The following FANCC variants were observed in gnomAD, a reference collection of about 807,000 sequenced individuals.
FANCC encodes the protein Fanconi anemia group C protein.
A neutral mutation model predicts 71.3 loss-of-function variants in FANCC; 55 were observed. The ratio of observed to expected loss-of-function variants is 0.77; its 90% CI spans 0.62 to 0.97. The LOEUF (loss-of-function observed/expected upper bound fraction) is 0.97, where lower values mean the gene tolerates loss of function less well. Among genes scored for constraint, FANCC ranks in the 50% least tolerant of loss-of-function variants. FANCC has a pLI of 0.00. For missense variants in FANCC, 678 were observed against 670.9 expected (o/e 1.01, Z -0.12); for synonymous variants, 275 against 244.9 (o/e 1.12, Z -1.15).
At chr9:95,171,917 A>G in intron 5 of FANCC, 120 bp downstream of exon 5, 1 of 714,418 alleles carries the variant, frequency 1.4e-6, no homozygotes, top group South Asian at 1.6e-5. Context: ...AGGTAAGAAG[A>G]GATAAACAAA....
At chr9:95,200,737 T>C (rs1245746102) in intron 4 of FANCC, among the ~76,000 whole-genome samples, 1 of 152,240 alleles carries the variant, frequency 6.6e-6, no homozygotes, top group Non-Finnish European at 1.5e-5. Context: ...AGTATTAATG[T>C]AATTGTTATT....
chr9:95,253,395 C>CT (rs1441935946), intron 1 of FANCC, among the ~76,000 whole-genome samples: 1 of 152,174 alleles, frequency 6.6e-6, no homozygotes, highest in African/African-American at 2.4e-5. Flanking sequence ...ATCTAGATCC[C>CT]TAGAGGTATC....
At chr9:95,246,669 G>A (rs1387971825) in intron 3 of FANCC, among the ~76,000 whole-genome samples, 1 of 152,156 alleles carries the variant, frequency 6.6e-6, no homozygotes, top group African/African-American at 2.4e-5. Flanking sequence ...TGTATTAAAG[G>A]GAGATGCTGG....
chr9:95,124,491 C>T (rs982375601), intron 10 of FANCC, among the ~76,000 whole-genome samples: 3 of 152,126 alleles, frequency 2.0e-5, no homozygotes, highest in Non-Finnish European at 4.4e-5. Flanking sequence ...CTGCAGGGTG[C>T]GGGCCTGGCC....
intron 7 of FANCC, among the ~76,000 whole-genome samples, chr9:95,146,115 G>T (rs1399052011): frequency 2.6e-5 from 4 of 152,046 alleles, no homozygotes; most frequent in Admixed American, 1.3e-4. Context: ...TTGTAGTTTT[G>T]TTTTTTTAAA....
chr9:95,156,770 T>C (rs1039012155), intron 6 of FANCC, among the ~76,000 whole-genome samples: 4 of 152,146 alleles, frequency 2.6e-5, no homozygotes, highest in African/African-American at 9.7e-5. Context: ...TCAGGTAACA[T>C]CTCTGACACC....
intron 5 of FANCC, 31 bp from the exon 6 acceptor site, chr9:95,171,174 C>CA (rs1486148240): frequency 6.5e-7 from 1 of 1,541,088 alleles, no homozygotes; most frequent in Admixed American, 1.7e-5. Context: ...CAGGTTAACT[C>CA]ACGCTGCAAA....
chr9:95,254,628 G>T (rs1831548387), intron 1 of FANCC, among the ~76,000 whole-genome samples: 1 of 152,210 alleles, frequency 6.6e-6, no homozygotes, highest in East Asian at 1.9e-4. Flanking sequence ...CAGGGCCCTG[G>T]GTTTTAAGCA....
intron 1 of FANCC, among the ~76,000 whole-genome samples, chr9:95,302,991 T>A (rs1431874652): frequency 6.6e-6 from 1 of 152,130 alleles, no homozygotes. Flanking sequence ...TTCCTAAGTA[T>A]GTCTTGAACC....
At chr9:95,132,723 T>TA (rs1272006468) in intron 8 of FANCC, among the ~76,000 whole-genome samples, 1 of 151,810 alleles carries the variant, frequency 6.6e-6, no homozygotes, top group Non-Finnish European at 1.5e-5. Flanking sequence ...ACTCAGGTAA[T>TA]AAGAGACTAA....
chr9:95,170,683 GAGC>G (rs1344730435), intron 6 of FANCC, among the ~76,000 whole-genome samples: 8 of 30,728 alleles, frequency 2.6e-4, no homozygotes, highest in Middle Eastern at 0.038. Flanking sequence ...TGTGTGTTGG[GAGC>G]AGAAGAAGGC....
intron 7 of FANCC, among the ~76,000 whole-genome samples, chr9:95,136,488 C>A (rs1212934360): frequency 1.3e-5 from 2 of 150,840 alleles, no homozygotes; most frequent in Non-Finnish European, 3.0e-5. Context: ...TCAAAGATTC[C>A]TTTAAAAAAA....
At chr9:95,211,130 G>A (rs1010140142) in intron 4 of FANCC, among the ~76,000 whole-genome samples, 1 of 152,160 alleles carries the variant, frequency 6.6e-6, no homozygotes, top group African/African-American at 2.4e-5. Context: ...CTTGACAACA[G>A]GCAGCACCAG....
At chr9:95,292,671 T>C in intron 1 of FANCC, 1 of 1,351,152 alleles carries the variant, frequency 7.4e-7, no homozygotes, top group East Asian at 2.3e-5. Context: ...CCGCATGCAG[T>C]ATAGCACAGT....
chr9:95,243,444 A>G (rs1830749626), intron 3 of FANCC, among the ~76,000 whole-genome samples: 1 of 151,984 alleles, frequency 6.6e-6, no homozygotes, highest in African/African-American at 2.4e-5. Context: ...ACTACATATG[A>G]CTTACTTTTT....
chr9:95,144,910 G>T (rs112600007), intron 7 of FANCC, among the ~76,000 whole-genome samples: 1,642 of 152,144 alleles, frequency 0.011, 18 homozygotes, highest in Non-Finnish European at 0.016. Context: ...CAAACATAAC[G>T]CTCGGACTCC....
intron 4 of FANCC, among the ~76,000 whole-genome samples, chr9:95,175,054 T>C (rs537288764): frequency 1.1e-4 from 17 of 151,272 alleles, no homozygotes; most frequent in African/African-American, 4.1e-4. Flanking sequence ...TCAACAGCCC[T>C]ACCCCTGGGG....
intron 1 of FANCC, chr9:95,293,605 A>G (rs891349510): frequency 3.2e-5 from 51 of 1,614,076 alleles, no homozygotes; most frequent in Non-Finnish European, 3.9e-5. Flanking sequence ...TATGCCTCAC[A>G]AAACTTTATA....
intron 6 of FANCC, among the ~76,000 whole-genome samples, chr9:95,163,805 C>T (rs656939): frequency 0.12 from 17,667 of 152,260 alleles, 1,333 homozygotes; most frequent in South Asian, 0.2. Flanking sequence ...GCCGAGATTG[C>T]GCCATCGCAT....
Sources: gnomAD v4.1 joint callset for allele counts (sites outside exome capture counted in the v4.1 genomes callset) on GRCh38, gnomAD v4.1.1 for gene constraint, MANE v1.5 for transcripts, NCBI Gene and HGNC (gene_info 2026-07-23, HGNC 2026-07-21) for gene names.